Variants in SEMA6D observed in about 807,000 individuals in gnomAD.
SEMA6D encodes semaphorin-6D.
SEMA6D carries 35 observed loss-of-function variants against 106.6 expected under a neutral mutation model. The ratio of observed to expected loss-of-function variants is 0.33; its 90% CI spans 0.25 to 0.44. SEMA6D has a LOEUF of 0.44. Among genes scored for constraint, SEMA6D ranks in the 20% least tolerant of loss-of-function variants. SEMA6D has a pLI of 1.00. For missense variants in SEMA6D, 1,185 were observed against 1,345.9 expected, an observed-to-expected ratio of 0.88 and a Z score of 1.87; for synonymous variants, 499 against 487.7, an observed-to-expected ratio of 1.02 and a Z score of -0.31.
intron 1 of SEMA6D, among the ~76,000 whole-genome samples, chr15:47,296,568 C>A (rs1317099353): frequency 6.6e-6 from 1 of 152,174 alleles, no homozygotes; most frequent in Non-Finnish European, 1.5e-5. Flanking sequence ...AACTGAAAAA[C>A]AGTTTATATG....
chr15:47,395,408 A>C (rs1168758715), intron 1 of SEMA6D, among the ~76,000 whole-genome samples: 2 of 152,238 alleles, frequency 1.3e-5, no homozygotes, highest in Non-Finnish European at 2.9e-5. Flanking sequence ...CCTGGTTTTC[A>C]AACCAGAAGG....
chr15:47,225,426 T>TA (rs2031572286), intron 1 of SEMA6D, among the ~76,000 whole-genome samples: 1 of 151,768 alleles, frequency 6.6e-6, no homozygotes, highest in Non-Finnish European at 1.5e-5. Context: ...CATCTATTCA[T>TA]ATGCTTATTT....
intron 3 of SEMA6D, among the ~76,000 whole-genome samples, chr15:47,559,035 C>T (rs1006996539): frequency 2.6e-5 from 4 of 151,900 alleles, no homozygotes; most frequent in Admixed American, 6.6e-5. Flanking sequence ...CGTGAGTAAG[C>T]TTATGATTTT....
intron 1 of SEMA6D, among the ~76,000 whole-genome samples, chr15:47,318,572 T>C (rs1270487830): frequency 2.7e-5 from 4 of 149,776 alleles, no homozygotes; most frequent in Middle Eastern, 3.4e-3. Flanking sequence ...CCAATTTCAT[T>C]TATGTCCCTA....
chr15:47,365,289 C>G (rs924904290), intron 1 of SEMA6D, among the ~76,000 whole-genome samples: 7 of 152,166 alleles, frequency 4.6e-5, no homozygotes, highest in African/African-American at 1.7e-4. Flanking sequence ...AGCATATGCA[C>G]TTTTGCCTCT....
chr15:47,577,345 T>G (rs1366137041), intron 3 of SEMA6D, among the ~76,000 whole-genome samples: 1 of 152,242 alleles, frequency 6.6e-6, no homozygotes, highest in Non-Finnish European at 1.5e-5. Flanking sequence ...AAATTGTACC[T>G]GGACTTTCTC....
At chr15:47,512,298 G>A (rs1383633141) in intron 3 of SEMA6D, among the ~76,000 whole-genome samples, 2 of 152,228 alleles carry the variant, frequency 1.3e-5, no homozygotes, top group Non-Finnish European at 2.9e-5. Flanking sequence ...GATCTGCAGA[G>A]CAGTAAGCAG....
intron 3 of SEMA6D, among the ~76,000 whole-genome samples, chr15:47,491,191 A>C (rs540299846): frequency 1.4e-4 from 21 of 152,316 alleles, no homozygotes; most frequent in African/African-American, 4.8e-4. Context: ...AAAGTTTTCT[A>C]ATTTTCCTGC....
At chr15:47,659,434 C>T (rs1285541133) in intron 4 of SEMA6D, among the ~76,000 whole-genome samples, 3 of 151,648 alleles carry the variant, frequency 2.0e-5, no homozygotes, top group Non-Finnish European at 4.4e-5. Context: ...ATACCTATGT[C>T]TGTGACTAAA....
In SEMA6D at chr15:47,588,755, G is replaced by T. The variant is rs1253095607; in HGVS notation, c.-86-12110G>T. The stretch of plus-strand genomic sequence containing the variant: ...TTAGAAGGCAGTTACACTTAGACAT[G>T]ACTAGTATTTCCTAGAGGACTGAGT... On this transcript the variant is annotated intron_variant, in intron 3 of 19. Coordinates refer to the SEMA6D transcript ENST00000558014. Among the ~76,000 whole-genome samples the T allele has an allele frequency of 2.0e-5, 3 of 152,176 alleles. No individual in the cohort carries two copies. The East Asian group carries it at 5.8e-4, about 29-fold the overall frequency.
chr15:47,587,814 G>A (rs2076369083), intron 3 of SEMA6D, among the ~76,000 whole-genome samples: 1 of 150,444 alleles, frequency 6.6e-6, no homozygotes, highest in Non-Finnish European at 1.5e-5. Context: ...TAATTGAGAT[G>A]TCACTTTGAC....
At chr15:47,309,199 C>T (rs1220421978) in intron 1 of SEMA6D, among the ~76,000 whole-genome samples, 1 of 152,194 alleles carries the variant, frequency 6.6e-6, no homozygotes, top group Non-Finnish European at 1.5e-5. Context: ...TTCCCCATGT[C>T]AATCACCATT....
At chr15:47,509,739 G>A (rs143061441) in intron 3 of SEMA6D, among the ~76,000 whole-genome samples, 1 of 152,216 alleles carries the variant, frequency 6.6e-6, no homozygotes, top group Non-Finnish European at 1.5e-5. Context: ...CCTATCTGTC[G>A]CTAGTCCAGT....
chr15:47,395,460 A>G (rs186523069), intron 1 of SEMA6D: 146 of 152,324 alleles, frequency 9.6e-4, no homozygotes, highest in African/African-American at 3.4e-3. Flanking sequence ...TTCTTTTTCA[A>G]TCATTTCATG....
At chr15:47,265,658 A>G (rs2034281945) in intron 1 of SEMA6D, among the ~76,000 whole-genome samples, 1 of 151,990 alleles carries the variant, frequency 6.6e-6, no homozygotes, top group South Asian at 2.1e-4. Context: ...TATAAATTAT[A>G]GTTTCCAGTT....
intron 3 of SEMA6D, among the ~76,000 whole-genome samples, chr15:47,517,406 A>G (rs978096956): frequency 1.1e-4 from 17 of 151,990 alleles, no homozygotes; most frequent in African/African-American, 4.1e-4. Context: ...GTGTGTGTTT[A>G]TATGGGGAAA....
rs2044668502 is a variant in SEMA6D at position 47,523,926 on chromosome 15, G to A, written c.-87+53381G>A. 2.0e-5 allele frequency among the ~76,000 whole-genome samples: 3 copies of A among 152,156 alleles called. No individual in the cohort carries two copies. The South Asian group carries it at 6.2e-4, about 32-fold the overall frequency. ...CACATTATCAGAGCTGACTATTTCT[G>A]GAAGCCAGGAGATAACAAACAAAGC... On this transcript the variant is annotated intron_variant, in intron 3 of 19. Transcript: ENST00000558014.
chr15:47,654,394 C>T (rs1191241639), intron 4 of SEMA6D, among the ~76,000 whole-genome samples: 2 of 152,090 alleles, frequency 1.3e-5, no homozygotes, highest in African/African-American at 4.8e-5. Context: ...TGTATGTTAT[C>T]TGTATTCTAT....
intron 2 of SEMA6D, among the ~76,000 whole-genome samples, chr15:47,465,036 C>T (rs1156744984): frequency 6.6e-6 from 1 of 152,154 alleles, no homozygotes; most frequent in Non-Finnish European, 1.5e-5. Flanking sequence ...CCTGTTACAC[C>T]TCCTGGCCCT....
Sources: allele counts gnomAD v4.1 joint callset (sites outside exome capture counted in the v4.1 genomes callset), GRCh38; gene constraint gnomAD v4.1.1; transcripts MANE v1.5; gene names NCBI Gene and HGNC (gene_info 2026-07-23, HGNC 2026-07-21).